ATP10D: variants seen among roughly 807,000 people sequenced by gnomAD.
The protein encoded by ATP10D is ATPase phospholipid transporting 10D (putative).
Under a neutral mutation model 144.8 loss-of-function variants are expected in ATP10D, and 89 were observed. The observed-to-expected ratio is 0.61, with a 90% CI of 0.52 to 0.73. The LOEUF is 0.73. Among genes scored for constraint, ATP10D ranks in the 30% least tolerant of loss-of-function variants. The pLI is 0.00. For missense variants in ATP10D, 1,603 were observed against 1,714.8 expected (o/e 0.93, Z 1.15); for synonymous variants, 571 against 615.1 (o/e 0.93, Z 1.06).
intron 1 of ATP10D, among the ~76,000 whole-genome samples, chr4:47,486,075 G>T (rs1714743220): frequency 6.6e-6 from 1 of 152,158 alleles, no homozygotes; most frequent in Non-Finnish European, 1.5e-5. Flanking sequence ...AGCTTTCTCG[G>T]AAATAGTTTT....
At chr4:47,504,276 A>G (rs966536428) in intron 1 of ATP10D, among the ~76,000 whole-genome samples, 3 of 152,228 alleles carry the variant, frequency 2.0e-5, no homozygotes, top group African/African-American at 7.2e-5. Flanking sequence ...TGAGGTGAAG[A>G]AAAACCTTTT....
At chr4:47,535,662 A>C in intron 6 of ATP10D, 47 bp downstream of exon 6, 1 of 1,537,428 alleles carries the variant, frequency 6.5e-7, no homozygotes, top group Non-Finnish European at 8.8e-7. Flanking sequence ...GCTTTTCTAC[A>C]AGTTAACATT....
rs182765827 is a variant in ATP10D at position 47,584,885 on chromosome 4, T to C, written c.3754-2134T>C. Among the ~76,000 whole-genome samples, 240 of 152,316 alleles carry C rather than the reference T, an allele frequency of 1.6e-3. 1 individual carries two copies. The highest frequency in any genetic ancestry group is 5.4e-3 in the African/African-American group (223 of 41,578). ...GCAGTCTGTGTGACTCTTGTGAAGG[T>C]ATCTGCCATGGGGAAATACTTTGCA... On this transcript the variant is annotated intron_variant, in intron 21 of 22. Transcript: ENST00000273859.
intron 3 of ATP10D, among the ~76,000 whole-genome samples, chr4:47,519,953 T>A (rs1342952749): frequency 6.6e-6 from 1 of 152,180 alleles, no homozygotes; most frequent in African/African-American, 2.4e-5. Context: ...TAGCCAGTGA[T>A]TGGGAAAATT....
rs1467757765 is a variant in ATP10D at position 47,525,649 on chromosome 4, A to C, written c.776+7A>C. 1 of 1,596,022 alleles carries C rather than the reference A, an allele frequency of 6.3e-7. No individual in the cohort carries two copies. Among genetic ancestry groups the C allele is most frequent in the East Asian group, 2.2e-5 (1 of 44,766 alleles). On this transcript the variant is annotated splice_region_variant and intron_variant, in intron 5 of 22. Transcript: ENST00000273859. ...GCAGATTCCGAGGCTTCCTGTGAGT[A>C]ATACATGATGAACATTTGTGGGTGT...
chr4:47,588,786 T>C (rs1024089397), intron 22 of ATP10D, among the ~76,000 whole-genome samples: 3 of 152,240 alleles, frequency 2.0e-5, no homozygotes, highest in African/African-American at 7.2e-5. Flanking sequence ...ACTGACAAGA[T>C]GAACTTACAG....
Position 47,572,966 on chromosome 4 carries a change from A to G in ATP10D, c.3335A>G (p.Asn1112Ser), listed in dbSNP as rs747735220. The change falls in exon 18 of 23, where the codon AAC (asparagine) becomes AGC (serine). Residue 1112 changes from asparagine to serine, a missense_variant. Asn to Ser is a conservative substitution (Grantham distance 46, BLOSUM62 1). Coordinates refer to ENST00000273859, the MANE Select transcript of ATP10D (RefSeq NM_020453.4). ...HGHWCYTRLS[N>S]MILYFFYKNV... is the part of the protein sequence containing the mutation. Reference sequence around the variant, plus strand: ...CACTGGTGTTATACACGGCTTTCCAACATGATTCTCTATTTTTTCTATAAG... The same window carrying G: ...CACTGGTGTTATACACGGCTTTCCAGCATGATTCTCTATTTTTTCTATAAG... 2.5e-6 allele frequency: 4 copies of G among 1,614,130 alleles called. No homozygotes were observed. The highest frequency in any genetic ancestry group is 1.1e-5 in the South Asian group (1 of 91,076).
Position 47,559,502 on chromosome 4 carries a change from A to G in ATP10D, c.2541+473A>G, listed in dbSNP as rs988810673. Among the ~76,000 whole-genome samples the G allele has an allele frequency of 3.3e-5, 5 of 152,230 alleles. No individual in the cohort carries two copies. In the East Asian group the frequency reaches 9.6e-4, roughly 29 times the overall value. ...AATCCAGGTAAATATCCTAGATATTATCTCAGTATTGATTATTCTTTATTG... is the reference window on the plus strand; with the variant it reads ...AATCCAGGTAAATATCCTAGATATTGTCTCAGTATTGATTATTCTTTATTG... On this transcript the variant is annotated intron_variant, in intron 13 of 22. Coordinates refer to ENST00000273859, the MANE Select transcript of ATP10D (RefSeq NM_020453.4).
chr4:47,530,214 G>T (rs1165037445), intron 5 of ATP10D, among the ~76,000 whole-genome samples: 1 of 152,068 alleles, frequency 6.6e-6, no homozygotes, highest in Non-Finnish European at 1.5e-5. Flanking sequence ...TAGGCCTCTT[G>T]TCGAACCGGA....
Position 47,512,690 on chromosome 4 carries a change from C to G in ATP10D, c.150C>G (p.His50Gln). The G allele has an allele frequency of 6.2e-7, 1 of 1,614,186 alleles. No homozygotes were observed. The change falls in exon 2 of 23, where the codon CAC (histidine) becomes CAG (glutamine). Residue 50 changes from histidine (H) to glutamine (Q), a missense_variant. By Grantham distance (24) the His-to-Gln change is conservative (BLOSUM62 0). Coordinates refer to ENST00000273859, the MANE Select transcript of ATP10D (RefSeq NM_020453.4). ...AGACCCCTAAACTGTCAGGAAGGCA[C>G]CGGATTGTTGTTCCCCACATCCAGC... is the stretch of plus-strand genomic sequence containing the variant. Reference protein sequence around the residue: ...SSQTPKLSGRHRIVVPHIQPF... With the variant: ...SSQTPKLSGRQRIVVPHIQPF...
intron 15 of ATP10D, among the ~76,000 whole-genome samples, 156 bp from the exon 16 acceptor site, chr4:47,568,681 T>G (rs536533809): frequency 1.3e-5 from 2 of 152,324 alleles, no homozygotes; most frequent in South Asian, 4.1e-4. Flanking sequence ...CACAGAACTC[T>G]CTGTGGAAGA....
chr4:47,525,307 G>A (rs1336135122), intron 4 of ATP10D, among the ~76,000 whole-genome samples: 3 of 152,112 alleles, frequency 2.0e-5, no homozygotes, highest in Non-Finnish European at 4.4e-5. Context: ...GGAGTCCTGT[G>A]TGGATTTCGG....
chr4:47,494,764 G>A (rs1055548209), intron 1 of ATP10D, among the ~76,000 whole-genome samples: 1 of 152,060 alleles, frequency 6.6e-6, no homozygotes, highest in Admixed American at 6.5e-5. Flanking sequence ...AAGTATAACT[G>A]ACTTATTTTT....
intron 3 of ATP10D, among the ~76,000 whole-genome samples, chr4:47,519,704 C>G (rs1000035718): frequency 6.6e-6 from 1 of 152,122 alleles, no homozygotes; most frequent in Non-Finnish European, 1.5e-5. Flanking sequence ...TCTTGAACAC[C>G]CTTTAAGACT....
At chr4:47,488,612 C>CAAAAAAAAAAAAAAAAAAAAAATAAA (rs56859197) in intron 1 of ATP10D, among the ~76,000 whole-genome samples, 1 of 91,318 alleles carries the variant, frequency 1.1e-5, no homozygotes, top group Non-Finnish European at 2.3e-5. Flanking sequence ...ATATAATAAG[C>CAAAAAAAAAAAAAAAAAAAAAATAAA]AAAAAAAAAA....
At chr4:47,532,106 C>T (rs1465066806) in intron 5 of ATP10D, among the ~76,000 whole-genome samples, 1 of 152,148 alleles carries the variant, frequency 6.6e-6, no homozygotes, top group Non-Finnish European at 1.5e-5. Context: ...GCTCCTGTAT[C>T]ATCTTGACAA....
At position 47,559,000 on chromosome 4, in the gene ATP10D, G is replaced by T. The variant is rs1327211280; in HGVS notation, c.2512G>T (p.Gly838Cys). Residue 838 changes from glycine to cysteine, a missense_variant, in exon 13 of 23, where the codon GGC (glycine) becomes TGC (cysteine). Physicochemically the swap from Gly to Cys is radical, Grantham distance 159. Transcript: ENST00000273859. ...QKHLDDYAKQ[G>C]LRTLCIAKKV... The stretch of plus-strand genomic sequence containing the variant: ...GCACTTGGATGACTATGCCAAACAA[G>T]GCCTTCGTACTTTATGTATAGCAAA... 1 of 1,614,096 alleles carries T rather than the reference G, an allele frequency of 6.2e-7. No homozygotes were observed. The highest frequency in any genetic ancestry group is 1.7e-5 in the Admixed American group (1 of 60,028).
At chr4:47,552,258 C>T (rs923796883) in intron 10 of ATP10D, among the ~76,000 whole-genome samples, 10 of 152,166 alleles carry the variant, frequency 6.6e-5, no homozygotes, top group African/African-American at 1.9e-4. Context: ...CATCGGATTC[C>T]CTGAATGGCA....
chr4:47,587,358 CTT>C (rs1720840684), intron 22 of ATP10D, 152 bp downstream of exon 22: 2 of 708,228 alleles, frequency 2.8e-6, no homozygotes, highest in Non-Finnish European at 2.3e-6. Context: ...GTTTTTAACT[CTT>C]TTATCAGAGA....
Sources: gnomAD v4.1 joint callset for allele counts (sites outside exome capture counted in the v4.1 genomes callset) on GRCh38, gnomAD v4.1.1 for gene constraint, MANE v1.5 for transcripts, NCBI Gene and HGNC (gene_info 2026-07-23, HGNC 2026-07-21) for gene names.